CCBE1: variants seen among roughly 807,000 people sequenced by gnomAD.
CCBE1 encodes the protein collagen and calcium binding EGF domains 1.
In CCBE1, 37 loss-of-function variants were observed where a neutral mutation model predicts 50.0. That is an observed-to-expected ratio of 0.74 (90% CI 0.57 to 0.97). CCBE1 has a LOEUF of 0.97. Ranked by LOEUF, CCBE1 falls within the 50% of genes least tolerant of loss-of-function variation. The probability of loss-of-function intolerance (pLI) is 0.00; values close to 1 mark genes in which losing one functional copy is unlikely to be tolerated. For missense variants in CCBE1, 538 were observed against 523.8 expected (o/e 1.03, Z -0.26); for synonymous variants, 234 against 203.7 (o/e 1.15, Z -1.27).
chr18:59,464,851 G>T (rs553131994), intron 5 of CCBE1: 1 of 152,410 alleles, frequency 6.6e-6, no homozygotes, highest in Non-Finnish European at 1.5e-5. Context: ...AAACAGCTCT[G>T]GTTTTTTCAT....
chr18:59,638,310 T>A (rs1256377404), intron 2 of CCBE1, among the ~76,000 whole-genome samples: 1 of 152,210 alleles, frequency 6.6e-6, no homozygotes, highest in Admixed American at 6.5e-5. Flanking sequence ...AAATAAACTT[T>A]ATGGTGAAAT....
Position 59,678,730 on chromosome 18 carries a change from G to A in CCBE1, c.212+17899C>T, listed in dbSNP as rs561404627. ...GAACTTTTAATAGAGACGGGGTTTCGCCATGTTGGCCAGGCTGGTCTCAAA... is the reference window on the plus strand; with the variant it reads ...GAACTTTTAATAGAGACGGGGTTTCACCATGTTGGCCAGGCTGGTCTCAAA... On this transcript the variant is annotated intron_variant, in intron 2 of 10. Coordinates refer to ENST00000439986, the MANE Select transcript of CCBE1 (RefSeq NM_133459.4). Among the ~76,000 whole-genome samples the A allele has an allele frequency of 3.9e-5, 6 of 152,102 alleles. No individual in the cohort carries two copies. In the East Asian group the frequency reaches 9.7e-4, roughly 25 times the overall value.
At chr18:59,568,933 C>T (rs1249052810) in intron 2 of CCBE1, among the ~76,000 whole-genome samples, 1 of 152,226 alleles carries the variant, frequency 6.6e-6, no homozygotes, top group East Asian at 1.9e-4. Context: ...AACCTCCCAC[C>T]TGCCACCTCC....
intron 2 of CCBE1, among the ~76,000 whole-genome samples, chr18:59,512,667 T>A (rs1914183788): frequency 6.6e-6 from 1 of 152,232 alleles, no homozygotes; most frequent in African/African-American, 2.4e-5. Context: ...GTCTCCACTC[T>A]CAGGGACTTT....
chr18:59,477,217 T>C (rs1912349534), intron 3 of CCBE1, among the ~76,000 whole-genome samples: 1 of 152,200 alleles, frequency 6.6e-6, no homozygotes. Context: ...GAAGGAAGAA[T>C]GTCTGGAACA....
intron 2 of CCBE1, among the ~76,000 whole-genome samples, chr18:59,681,291 G>C (rs60092669): frequency 1.3e-5 from 2 of 152,072 alleles, no homozygotes; most frequent in African/African-American, 2.4e-5. Context: ...CATAAAATAA[G>C]TACATTCAGA....
At chr18:59,449,231 G>A (rs945150163) in intron 6 of CCBE1, among the ~76,000 whole-genome samples, 1 of 152,174 alleles carries the variant, frequency 6.6e-6, no homozygotes, top group African/African-American at 2.4e-5. Flanking sequence ...AAATGGGGAT[G>A]GTAACGGCCA....
intron 2 of CCBE1, among the ~76,000 whole-genome samples, chr18:59,548,736 G>GGGGTGTTCAAT (rs11276363): frequency 6.6e-6 from 1 of 151,320 alleles, no homozygotes; most frequent in Admixed American, 6.6e-5. Context: ...CAGATTACCT[G>GGGGTGTTCAAT]AGGTGTTCAA....
At position 59,658,321 on chromosome 18, in the gene CCBE1, T is replaced by TTAA. The variant is rs1568258284; in HGVS notation, c.212+38307_212+38308insTTA. Among the ~76,000 whole-genome samples, 13 of 6,424 alleles carry TTAA rather than the reference T, an allele frequency of 2.0e-3. 2 individuals are homozygous for TTAA. The highest frequency in any genetic ancestry group is 7.8e-3 in the African/African-American group (12 of 1,536). 4.2% of individuals were successfully genotyped at this position (6,424 alleles called of 152,430 possible). A position where few individuals can be genotyped will look rare whatever the true frequency, so the allele number is the denominator to read the frequency against. ...GAGCAACATAGCAAGACCCTGTCTCTAAAAAAAAAAAAAAAAAAAAAAAAA... is the reference window on the plus strand; with the variant it reads ...GAGCAACATAGCAAGACCCTGTCTCTTAAAAAAAAAAAAAAAAAAAAAAAAAAA... On this transcript the variant is annotated intron_variant, in intron 2 of 10. Coordinates refer to ENST00000439986, the MANE Select transcript of CCBE1 (RefSeq NM_133459.4).
chr18:59,695,817 A>C (rs975826794), intron 2 of CCBE1, among the ~76,000 whole-genome samples: 1 of 152,316 alleles, frequency 6.6e-6, no homozygotes, highest in East Asian at 1.9e-4. Context: ...ATTACCTTGT[A>C]CAGCGCCTCT....
intron 2 of CCBE1, among the ~76,000 whole-genome samples, chr18:59,642,436 C>T (rs920680511): frequency 6.6e-6 from 1 of 152,120 alleles, no homozygotes; most frequent in Admixed American, 6.6e-5. Context: ...ATCAAACATC[C>T]CCCCTCCATG....
At chr18:59,688,968 C>T (rs1484840421) in intron 2 of CCBE1, among the ~76,000 whole-genome samples, 1 of 152,198 alleles carries the variant, frequency 6.6e-6, no homozygotes, top group African/African-American at 2.4e-5. Context: ...AGTGGATCTA[C>T]AGGAGTCAAG....
At chr18:59,507,046 T>C (rs1337496767) in intron 2 of CCBE1, among the ~76,000 whole-genome samples, 1 of 152,160 alleles carries the variant, frequency 6.6e-6, no homozygotes, top group African/African-American at 2.4e-5. Flanking sequence ...TTCCCACATC[T>C]ACTGTAGCCT....
intron 3 of CCBE1, among the ~76,000 whole-genome samples, chr18:59,478,930 C>G (rs957914250): frequency 3.3e-5 from 5 of 152,198 alleles, no homozygotes; most frequent in African/African-American, 1.2e-4. Context: ...AACCATCACA[C>G]GTGGAGCGAT....
chr18:59,580,215 A>G (rs1217186820), intron 2 of CCBE1, among the ~76,000 whole-genome samples: 1 of 152,132 alleles, frequency 6.6e-6, no homozygotes, highest in Non-Finnish European at 1.5e-5. Context: ...ATAAACACAT[A>G]TCTGATCGCC....
intron 2 of CCBE1, among the ~76,000 whole-genome samples, chr18:59,531,189 C>T (rs1322316270): frequency 6.6e-6 from 1 of 152,006 alleles, no homozygotes; most frequent in Non-Finnish European, 1.5e-5. Flanking sequence ...AGCTTGTTGG[C>T]CATGCGATTA....
At chr18:59,536,162 T>A (rs1320257923) in intron 2 of CCBE1, among the ~76,000 whole-genome samples, 1 of 152,242 alleles carries the variant, frequency 6.6e-6, no homozygotes, top group African/African-American at 2.4e-5. Context: ...GAGATAGGAA[T>A]CTCAATTCTA....
chr18:59,502,555 A>T (rs774700544), intron 2 of CCBE1, among the ~76,000 whole-genome samples: 30 of 152,136 alleles, frequency 2.0e-4, no homozygotes, highest in Admixed American at 9.2e-4. Flanking sequence ...GCACACTTTC[A>T]ATTATTTATC....
At position 59,580,020 on chromosome 18, in the gene CCBE1, G is replaced by A. The variant is rs147256796; in HGVS notation, c.213-99782C>T. Among the ~76,000 whole-genome samples, 65 of 152,304 alleles carry A rather than the reference G, an allele frequency of 4.3e-4. No individual in the cohort carries two copies. The South Asian group carries it at 5.6e-3, about 13-fold the overall frequency. On this transcript the variant is annotated intron_variant, in intron 2 of 10. Coordinates refer to ENST00000439986, the MANE Select transcript of CCBE1 (RefSeq NM_133459.4). ...AAATCACATCTGATTCGAATAGGAT[G>A]GATCTTCTGTGAAAGCCAGAGAGGG...
Sources: gnomAD v4.1 joint callset for allele counts (sites outside exome capture counted in the v4.1 genomes callset) on GRCh38, gnomAD v4.1.1 for gene constraint, MANE v1.5 for transcripts, NCBI Gene and HGNC (gene_info 2026-07-23, HGNC 2026-07-21) for gene names.